The following DOT1L variants were observed in gnomAD, a reference collection of about 807,000 sequenced individuals.
DOT1L encodes DOT1 like histone lysine methyltransferase.
In DOT1L, 33 loss-of-function variants were observed where a neutral mutation model predicts 153.3. The observed-to-expected ratio is 0.22, with a 90% CI of 0.16 to 0.29. The LOEUF is 0.29. Among genes scored for constraint, DOT1L ranks in the 10% least tolerant of loss-of-function variants. The pLI is 1.00. For missense variants in DOT1L, 1,847 were observed against 2,119.9 expected, an observed-to-expected ratio of 0.87 and a Z score of 2.53; for synonymous variants, 1,135 against 965.1, an observed-to-expected ratio of 1.18 and a Z score of -3.26.
chr19:2,186,658 C>G (rs1430973277), intron 3 of DOT1L, among the ~76,000 whole-genome samples: 2 of 152,206 alleles, frequency 1.3e-5, no homozygotes, highest in African/African-American at 4.8e-5. Context: ...TGTCTGGGGT[C>G]AGCGGTCTCA....
intron 3 of DOT1L, among the ~76,000 whole-genome samples, chr19:2,189,300 C>T (rs2022687632): frequency 6.6e-6 from 1 of 152,138 alleles, no homozygotes; most frequent in Non-Finnish European, 1.5e-5. Flanking sequence ...TGGGAGACCC[C>T]AGCCGTTCAC....
At position 2,230,189 on chromosome 19, in the gene DOT1L, C is replaced by T; in HGVS notation, c.*397C>T. On this transcript the variant is annotated 3_prime_UTR_variant, in exon 28 of 28. Coordinates refer to ENST00000398665, the MANE Select transcript of DOT1L (RefSeq NM_032482.3). ...TATCTCGTCCCCAGGCCCGCGCCTGCCTCCACCCGCTTGGTGCTGACTAGA... is the reference window on the plus strand; with the variant it reads ...TATCTCGTCCCCAGGCCCGCGCCTGTCTCCACCCGCTTGGTGCTGACTAGA... 1.1e-5 allele frequency: 5 copies of T among 469,098 alleles called. No individual in the cohort carries two copies. Among genetic ancestry groups the T allele is most frequent in the Middle Eastern group, 5.5e-4 (1 of 1,816 alleles). 29.1% of individuals were successfully genotyped at this position (469,098 alleles called of 1,614,324 possible).
At chr19:2,219,162 G>A (rs1055521597) in intron 22 of DOT1L, among the ~76,000 whole-genome samples, 1 of 152,130 alleles carries the variant, frequency 6.6e-6, no homozygotes, top group South Asian at 2.1e-4. Context: ...ATGAGCCACC[G>A]CACCCGGCCA....
At position 2,222,097 on chromosome 19, in the gene DOT1L, C is replaced by T. The variant is rs753910374; in HGVS notation, c.2928C>T (p.Ala976=). The T allele has an allele frequency of 3.1e-6, 5 of 1,613,306 alleles. No homozygotes were observed. Among genetic ancestry groups the T allele is most frequent in the Non-Finnish European group, 3.4e-6 (4 of 1,179,924 alleles). ...DESSSSGSLF[A]TVGSRSSTPQ... is the part of the protein sequence containing the mutation. ...CCTCCAGCTCTGGGAGCCTTTTTGCCACCGTGGGGTCCCGCAGCTCCACGC... is the reference window on the plus strand; with the variant it reads ...CCTCCAGCTCTGGGAGCCTTTTTGCTACCGTGGGGTCCCGCAGCTCCACGC... The change falls in exon 24 of 28, where the codon GCC becomes GCT. Residue 976 remains alanine, a synonymous_variant. Transcript: ENST00000398665. The surrounding 1 kb of genome is among the most constrained non-coding windows in gnomAD (Gnocchi z 6.5).
In DOT1L at chr19:2,223,366, A is replaced by C; in HGVS notation, c.3476A>C (p.Asp1159Ala). The C allele has an allele frequency of 6.2e-7, 1 of 1,613,772 alleles. No homozygotes were observed. Among genetic ancestry groups the C allele is most frequent in the East Asian group, 2.2e-5 (1 of 44,882 alleles). The stretch of plus-strand genomic sequence containing the variant: ...AAGAGCTCCCCTGTGCCCTACCAGG[A>C]CCACGACCAGCCCCCCGTGCTCAAG... The part of the protein sequence containing the change: ...SLKSSPVPYQ[D>A]HDQPPVLKKE... The change falls in exon 25 of 28, where the codon GAC (aspartate) becomes GCC (alanine). Residue 1159 changes from aspartate (D) to alanine (A), a missense_variant. Physicochemically the swap from Asp to Ala is moderately radical, Grantham distance 126. Around this residue, in one of 8 missense-constraint regions of DOT1L, gnomAD observed 934 missense variants for 825.3 expected, o/e 1.13. Transcript: ENST00000398665.
Position 2,226,618 on chromosome 19 carries a change from C to A in DOT1L, c.4097C>A (p.Pro1366His). The change falls in exon 27 of 28, where the codon CCT (proline) becomes CAT (histidine). Residue 1366 changes from proline (P) to histidine (H), a missense_variant. Physicochemically the swap from Pro to His is moderately conservative, Grantham distance 77. Coordinates refer to ENST00000398665, the MANE Select transcript of DOT1L (RefSeq NM_032482.3). ...GGCAAGGAGGGCTCGGACGCCAACC[C>A]TTTCCTGAGCAAGAGGCAGCTGGAC... ...QRGKEGSDAN[P>H]FLSKRQLDGL... 6.3e-7 allele frequency: 1 copy of A among 1,595,674 alleles called. No homozygotes were observed. Among genetic ancestry groups the A allele is most frequent in the African/African-American group, 1.3e-5 (1 of 74,884 alleles).
chr19:2,198,514 G>C (rs951710392), intron 7 of DOT1L, among the ~76,000 whole-genome samples: 5 of 152,208 alleles, frequency 3.3e-5, no homozygotes, highest in Non-Finnish European at 4.4e-5. Flanking sequence ...CTGTCTCTCT[G>C]GGGCTGAGTG....
chr19:2,167,904 T>C (rs2144644300), intron 1 of DOT1L, among the ~76,000 whole-genome samples: 1 of 152,094 alleles, frequency 6.6e-6, no homozygotes, highest in South Asian at 2.1e-4. Flanking sequence ...CCTGGCTTAT[T>C]TTGTATTTTT....
At chr19:2,192,206 T>G (rs999729674) in intron 5 of DOT1L, among the ~76,000 whole-genome samples, 32 of 152,224 alleles carry the variant, frequency 2.1e-4, no homozygotes, top group Middle Eastern at 3.2e-3. Flanking sequence ...AAGAGGACTT[T>G]GCACAGACTG....
At chr19:2,198,112 A>G (rs1408544101) in intron 7 of DOT1L, among the ~76,000 whole-genome samples, 1 of 152,246 alleles carries the variant, frequency 6.6e-6, no homozygotes, top group East Asian at 1.9e-4. Flanking sequence ...CTTCGGCCCC[A>G]GAGCCCATCC....
chr19:2,214,999 T>C (rs2023844987), intron 19 of DOT1L, among the ~76,000 whole-genome samples: 3 of 152,184 alleles, frequency 2.0e-5, no homozygotes, highest in Non-Finnish European at 4.4e-5. Context: ...GCAGATCACC[T>C]GAGGCTAGGA....
intron 8 of DOT1L, among the ~76,000 whole-genome samples, chr19:2,201,328 G>A (rs117415965): frequency 2.7e-5 from 4 of 145,944 alleles, no homozygotes; most frequent in East Asian, 4.1e-4. Flanking sequence ...TGCATTCCTC[G>A]TCCTCCCTGC....
At chr19:2,165,363 C>T (rs565432844) in intron 1 of DOT1L, among the ~76,000 whole-genome samples, 1 of 152,230 alleles carries the variant, frequency 6.6e-6, no homozygotes, top group South Asian at 2.1e-4. Context: ...CTGGGGAGCC[C>T]GGGCTGGCTC....
rs2024209945 is a variant in DOT1L at position 2,223,515 on chromosome 19, G to A, written c.3596+29G>A. On this transcript the variant is annotated intron_variant, in intron 25 of 27. Coordinates refer to ENST00000398665, the MANE Select transcript of DOT1L (RefSeq NM_032482.3). ...AGTCCAGGGGCCCGGAGGGGGGCGG[G>A]GCCTGGCAGCAGGGGCAGGAGGTGC... 3.3e-6 allele frequency: 5 copies of A among 1,534,094 alleles called. No individual in the cohort carries two copies. The South Asian group carries it at 4.6e-5, about 14-fold the overall frequency.
chr19:2,179,080 G>A (rs953645089), intron 1 of DOT1L, among the ~76,000 whole-genome samples: 3 of 152,088 alleles, frequency 2.0e-5, no homozygotes, highest in Non-Finnish European at 2.9e-5. Flanking sequence ...AGCTGGGGGG[G>A]GGTCTCCTAT....
At chr19:2,189,662 A>G (rs2144735973) in intron 3 of DOT1L, 70 bp from the exon 4 acceptor site, 1 of 1,569,146 alleles carries the variant, frequency 6.4e-7, no homozygotes, top group Non-Finnish European at 8.7e-7. Flanking sequence ...CCTTATCCAC[A>G]TGCTGTCCCC....
In DOT1L at chr19:2,208,017, T is replaced by C. The variant is rs941785457; in HGVS notation, c.963+337T>C. Among the ~76,000 whole-genome samples the C allele has an allele frequency of 6.6e-6, 1 of 152,070 alleles. No homozygotes were observed. Among genetic ancestry groups the C allele is most frequent in the African/African-American group, 2.4e-5 (1 of 41,394 alleles). On this transcript the variant is annotated intron_variant, in intron 11 of 27. Coordinates refer to ENST00000398665, the MANE Select transcript of DOT1L (RefSeq NM_032482.3). The surrounding 1 kb of genome is among the most constrained non-coding windows in gnomAD (Gnocchi z 4.4). Reference sequence around the variant, plus strand: ...CGCCATATCCAGAGGCCCCTGTGGATAGGAGTCCCACGTCCCTGTTCCCAG... The same window carrying C: ...CGCCATATCCAGAGGCCCCTGTGGACAGGAGTCCCACGTCCCTGTTCCCAG...
chr19:2,213,791 G>C, intron 17 of DOT1L, 58 bp from the exon 18 acceptor site: 1 of 1,609,280 alleles, frequency 6.2e-7, no homozygotes, highest in South Asian at 1.1e-5. Flanking sequence ...TCATGCCTGG[G>C]GGCTTACTTC....
Position 2,216,570 on chromosome 19 carries a change from A to C in DOT1L, c.2213A>C (p.Tyr738Ser), listed in dbSNP as rs775450046. 4.3e-6 allele frequency: 7 copies of C among 1,609,256 alleles called. No individual in the cohort carries two copies. The highest frequency in any genetic ancestry group is 4.2e-6 in the Non-Finnish European group (5 of 1,179,910). Residue 738 changes from tyrosine to serine, a missense_variant, in exon 20 of 28, where the codon TAC (tyrosine) becomes TCC (serine). By Grantham distance (144) the Tyr-to-Ser change is moderately radical. Transcript: ENST00000398665. ...RPSSKQNTPQ[Y>S]LASPLDQEVV... ...TCGTCGAAGCAGAACACGCCCCAGTACCTGGCCTCACCCCTGGACCAGGAG... is the reference window on the plus strand; with the variant it reads ...TCGTCGAAGCAGAACACGCCCCAGTCCCTGGCCTCACCCCTGGACCAGGAG...
Sources: gnomAD v4.1 joint callset for allele counts (sites outside exome capture counted in the v4.1 genomes callset) on GRCh38, gnomAD v4.1.1 for gene constraint, gnomAD v4.1.1 regional missense constraint, Gnocchi (gnomAD v3.1) non-coding constraint, MANE v1.5 for transcripts, NCBI Gene and HGNC (gene_info 2026-07-23, HGNC 2026-07-21) for gene names.